Variants in SGCD observed in about 807,000 individuals in gnomAD.
SGCD encodes the protein delta-sarcoglycan.
SGCD carries 18 observed loss-of-function variants against 36.6 expected under a neutral mutation model. That is an observed-to-expected ratio of 0.49 (90% confidence interval 0.34 to 0.73). SGCD has a LOEUF of 0.73. SGCD is among the 30% of genes least tolerant of loss of function. SGCD has a pLI of 0.01. For missense variants in SGCD, 387 were observed against 346.7 expected (o/e 1.12, Z -0.92); for synonymous variants, 133 against 130.6 (o/e 1.02, Z -0.12).
chr5:156,753,250 A>C (rs1757216042), intron 7 of SGCD, among the ~76,000 whole-genome samples: 1 of 151,288 alleles, frequency 6.6e-6, no homozygotes, highest in African/African-American at 2.4e-5. Flanking sequence ...TCCGGCCCCC[A>C]CCCTTCCTGG....
At chr5:156,488,487 G>A (rs1463112262) in intron 3 of SGCD, among the ~76,000 whole-genome samples, 3 of 151,966 alleles carry the variant, frequency 2.0e-5, no homozygotes, top group African/African-American at 4.8e-5. Context: ...GGCCAGGAGA[G>A]AATGGGATGA....
At chr5:156,724,788 A>T (rs1231103766) in intron 7 of SGCD, among the ~76,000 whole-genome samples, 2 of 152,168 alleles carry the variant, frequency 1.3e-5, no homozygotes, top group African/African-American at 4.8e-5. Context: ...AACTGGCAAG[A>T]CTACACACTG....
chr5:156,175,306 G>A (rs1348641409), intron 3 of SGCD, among the ~76,000 whole-genome samples: 1 of 152,010 alleles, frequency 6.6e-6, no homozygotes, highest in African/African-American at 2.4e-5. Context: ...ACTTTTGAAT[G>A]TAGAAAAAAA....
At chr5:156,519,353 AAAACAAACAAAC>A (rs148970150) in intron 4 of SGCD, among the ~76,000 whole-genome samples, 2 of 152,034 alleles carry the variant, frequency 1.3e-5, no homozygotes, top group African/African-American at 4.8e-5. Flanking sequence ...TACCAACAAA[AAAACAAACAAAC>A]AAACAAACAA....
At chr5:156,308,824 T>A (rs529737436) in intron 3 of SGCD, among the ~76,000 whole-genome samples, 7 of 152,338 alleles carry the variant, frequency 4.6e-5, no homozygotes, top group Admixed American at 2.0e-4. Context: ...CCCTTTTATA[T>A]TTTTCACAGA....
intron 2 of SGCD, among the ~76,000 whole-genome samples, chr5:156,339,917 C>G (rs1428936444): frequency 6.6e-6 from 1 of 152,114 alleles, no homozygotes; most frequent in Non-Finnish European, 1.5e-5. Flanking sequence ...GGTTGTATAG[C>G]CTTTAATTGT....
At chr5:156,159,478 AAAAAC>A (rs1415308479) in intron 3 of SGCD, among the ~76,000 whole-genome samples, 2 of 151,602 alleles carry the variant, frequency 1.3e-5, no homozygotes, top group African/African-American at 4.9e-5. Context: ...CACTCATAAA[AAAAAC>A]AAAACAAAAC....
At chr5:156,632,652 C>A (rs1018268073) in intron 6 of SGCD, among the ~76,000 whole-genome samples, 1 of 152,218 alleles carries the variant, frequency 6.6e-6, no homozygotes, top group Non-Finnish European at 1.5e-5. Flanking sequence ...TCAAGACTTA[C>A]ACTTGCCATG....
At chr5:156,576,131 G>A (rs953610129) in intron 4 of SGCD, among the ~76,000 whole-genome samples, 5 of 151,472 alleles carry the variant, frequency 3.3e-5, no homozygotes, top group Non-Finnish European at 5.9e-5. Flanking sequence ...GTGTCCAAGT[G>A]TTCTCCTTGT....
chr5:156,569,981 G>T (rs899322467), intron 4 of SGCD, among the ~76,000 whole-genome samples: 6 of 152,264 alleles, frequency 3.9e-5, no homozygotes, highest in Admixed American at 3.9e-4. Context: ...GTGACAAAAA[G>T]CCATTGAAGG....
Position 156,435,971 on chromosome 5 carries a change from T to C in SGCD, c.193-72630T>C, listed in dbSNP as rs553412531. Among the ~76,000 whole-genome samples, 4 of 152,308 alleles carry C rather than the reference T, an allele frequency of 2.6e-5. No individual in the cohort carries two copies. In the South Asian group the frequency reaches 8.3e-4, roughly 32 times the overall value. On this transcript the variant is annotated intron_variant, in intron 3 of 8. Coordinates refer to ENST00000337851, the MANE Select transcript of SGCD (RefSeq NM_000337.6). ...ATCTTTCAGCACTCAGTTTGAATAT[T>C]CTTTCCTCCAAGTAGCTCTCCCAAG...
chr5:155,763,691 C>G, the SGCD span, among the ~76,000 whole-genome samples: 1 of 152,102 alleles, frequency 6.6e-6, no homozygotes, highest in Non-Finnish European at 1.5e-5. Flanking sequence ...TGTGAATGAA[C>G]ATATGTGTTG....
intron 1 of SGCD, among the ~76,000 whole-genome samples, chr5:155,976,359 C>T (rs1302693525): frequency 3.9e-5 from 6 of 152,074 alleles, no homozygotes; most frequent in South Asian, 4.1e-4. Context: ...GAAAAAGAGA[C>T]ACAAAACAAA....
chr5:155,954,674 C>A (rs1199849010), intron 1 of SGCD, among the ~76,000 whole-genome samples: 1 of 151,242 alleles, frequency 6.6e-6, no homozygotes, highest in East Asian at 2.0e-4. Context: ...AGTGTCTTTA[C>A]CAACTTTGTT....
chr5:156,065,390 T>C (rs1372990857), intron 1 of SGCD, among the ~76,000 whole-genome samples: 2 of 125,574 alleles, frequency 1.6e-5, no homozygotes, highest in Non-Finnish European at 3.3e-5. Context: ...TGTGGTGTGG[T>C]GCTGAGAAGA....
the SGCD span, among the ~76,000 whole-genome samples, chr5:155,830,102 C>T: frequency 2.0e-5 from 3 of 152,168 alleles, no homozygotes; most frequent in African/African-American, 7.2e-5. Context: ...GTGATTTGGA[C>T]CCATTTCTGT....
chr5:156,167,172 T>A (rs1471825722), intron 3 of SGCD, among the ~76,000 whole-genome samples: 1 of 152,136 alleles, frequency 6.6e-6, no homozygotes, highest in African/African-American at 2.4e-5. Context: ...AGAGGTGCCC[T>A]CTCTGACTTC....
intron 1 of SGCD, among the ~76,000 whole-genome samples, chr5:155,945,118 G>A (rs1757413186): frequency 6.6e-6 from 1 of 152,162 alleles, no homozygotes; most frequent in East Asian, 1.9e-4. Context: ...ATTAATATCA[G>A]TTAGAACTGT....
chr5:156,259,193 T>G (rs1179806514), intron 3 of SGCD, among the ~76,000 whole-genome samples: 4 of 151,752 alleles, frequency 2.6e-5, no homozygotes, highest in Non-Finnish European at 5.9e-5. Flanking sequence ...CTCATTGCAG[T>G]TTCCATTTGC....
Sources: allele counts gnomAD v4.1 joint callset (sites outside exome capture counted in the v4.1 genomes callset), GRCh38; gene constraint gnomAD v4.1.1; transcripts MANE v1.5; gene names NCBI Gene and HGNC (gene_info 2026-07-23, HGNC 2026-07-21).